Variants in SYMPK observed in about 807,000 individuals in gnomAD.
SYMPK encodes symplekin scaffold protein.
In SYMPK, 49 loss-of-function variants were observed where a neutral mutation model predicts 136.4. The observed-to-expected ratio is 0.36, with a 90% CI of 0.29 to 0.46. The LOEUF (loss-of-function observed/expected upper bound fraction) is 0.46. Among genes scored for constraint, SYMPK ranks in the 20% least tolerant of loss-of-function variants. The pLI, the probability that SYMPK is intolerant of heterozygous loss-of-function variation, is 1.00. For missense variants in SYMPK, 1,365 were observed against 1,690.0 expected, an observed-to-expected ratio of 0.81 and a Z score of 3.37; for synonymous variants, 766 against 713.0, an observed-to-expected ratio of 1.07 and a Z score of -1.19.
intron 5 of SYMPK, among the ~76,000 whole-genome samples, chr19:45,849,851 G>C (rs747203569): frequency 6.6e-6 from 1 of 152,096 alleles, no homozygotes; most frequent in Non-Finnish European, 1.5e-5. Flanking sequence ...TTTGAGACCA[G>C]CTTGACCAAC....
At chr19:45,823,737 G>C in intron 19 of SYMPK, 30 bp downstream of exon 19, 1 of 1,585,732 alleles carries the variant, frequency 6.3e-7, no homozygotes, top group Non-Finnish European at 8.7e-7. Context: ...AGGGAGGAAA[G>C]CCATGAAAGG....
At chr19:45,850,770 A>T (rs1971679560) in intron 5 of SYMPK, among the ~76,000 whole-genome samples, 1 of 152,126 alleles carries the variant, frequency 6.6e-6, no homozygotes, top group African/African-American at 2.4e-5. Flanking sequence ...AGACAGAAAA[A>T]GTCAAGCCCC....
chr19:45,838,528 T>A lies in SYMPK; in HGVS notation c.1175A>T (p.Gln392Leu). 1.9e-6 allele frequency: 3 copies of A among 1,614,164 alleles called. No individual in the cohort carries two copies. The highest frequency in any genetic ancestry group is 1.3e-5 in the African/African-American group (1 of 75,058). The change falls in exon 10 of 27, where the codon CAG (glutamine) becomes CTG (leucine). Residue 392 changes from glutamine (Q) to leucine (L), a missense_variant. Physicochemically the swap from Gln to Leu is moderately radical, Grantham distance 113. This residue lies in a region of SYMPK where 111 missense variants were observed against 141.2 expected (regional missense o/e 0.79). Transcript: ENST00000245934. Reference protein sequence around the residue: ...TSKASAQISGQSDTDITAEFL... With the variant: ...TSKASAQISGLSDTDITAEFL... The stretch of plus-strand genomic sequence containing the variant: ...CTCAGCTGTGATGTCCGTGTCTGAC[T>A]GGCCGGAGATCTGCGCTGAGGCCTT...
intron 14 of SYMPK, chr19:45,828,618 C>A (rs1971100319): frequency 7.1e-6 from 2 of 279,746 alleles, no homozygotes; most frequent in Non-Finnish European, 1.4e-5. Context: ...ACAGAACCAA[C>A]TCAGGTAGTG....
At position 45,821,377 on chromosome 19, in the gene SYMPK, G is replaced by A. The variant is rs560500459; in HGVS notation, c.2893+7C>T. The stretch of plus-strand genomic sequence containing the variant: ...CAGGCCACTGGAGTGGGGGGGAAGC[G>A]CCTCACCTTTGATGATGGATTTCAT... On this transcript the variant is annotated splice_region_variant and intron_variant, in intron 22 of 26. Transcript: ENST00000245934. This position sits in a 1 kb window ranked among gnomAD's most constrained non-coding sequence, Gnocchi z 4.4. The A allele has an allele frequency of 5.6e-5, 90 of 1,611,174 alleles. No individual in the cohort carries two copies. The South Asian group carries it at 5.8e-4, about 10-fold the overall frequency.
At chr19:45,816,220 G>T in intron 25 of SYMPK, 37 bp from the exon 26 acceptor site, 1 of 1,412,800 alleles carries the variant, frequency 7.1e-7, no homozygotes, top group Admixed American at 2.5e-5. Flanking sequence ...GCTCAGAGGT[G>T]GGTGGCTCAG....
intron 10 of SYMPK, 117 bp downstream of exon 10, chr19:45,838,344 T>C: frequency 7.8e-7 from 1 of 1,274,926 alleles, no homozygotes. Context: ...ACCCCTTTTC[T>C]TTATTAATTA....
rs1568616413 is a variant in SYMPK at position 45,835,100 on chromosome 19, C to T, written c.1371G>A (p.Met457Ile). 9 of 1,609,160 alleles carry T rather than the reference C, an allele frequency of 5.6e-6. No homozygotes were observed. The highest frequency in any genetic ancestry group is 7.6e-6 in the Non-Finnish European group (9 of 1,177,312). Residue 457 changes from methionine (M) to isoleucine (I), a missense_variant, in exon 11 of 27, where the codon ATG becomes ATA. Coordinates refer to ENST00000245934, the MANE Select transcript of SYMPK (RefSeq NM_004819.3). Reference protein sequence around the residue: ...KHLARLMATQMTAAGLGPGVE... With the variant: ...KHLARLMATQITAAGLGPGVE... ...CACCTGGTCCCAGTCCGGCAGCTGT[C>T]ATCTGTGTGGCCATGAGCCGAGCCA...
intron 8 of SYMPK, chr19:45,842,780 T>C (rs1971473314): frequency 7.8e-6 from 3 of 385,886 alleles, no homozygotes; most frequent in Non-Finnish European, 1.4e-5. Context: ...TATGCTTCGC[T>C]TGGGGAGGGT....
rs552061019 is a variant in SYMPK at position 45,823,828 on chromosome 19, T to C, written c.2538A>G (p.Glu846=). The change falls in exon 19 of 27, where the codon GAA becomes GAG. Residue 846 remains glutamate (E), a synonymous_variant. Coordinates refer to ENST00000245934, the MANE Select transcript of SYMPK (RefSeq NM_004819.3). Reference sequence around the variant, plus strand: ...GTGTCTCTGCTCCCTTGGGACAATTTTCCACCAGCAGGAGCAGCTCCGGGG... The same window carrying C: ...GTGTCTCTGCTCCCTTGGGACAATTCTCCACCAGCAGGAGCAGCTCCGGGG... ...MNSPELLLLV[E]NCPKGAETLV... The C allele has an allele frequency of 4.3e-6, 7 of 1,614,002 alleles. No homozygotes were observed. The African/African-American group carries it at 9.3e-5, about 22-fold the overall frequency.
chr19:45,837,733 G>A (rs1481770407), intron 10 of SYMPK, among the ~76,000 whole-genome samples: 4 of 152,098 alleles, frequency 2.6e-5, no homozygotes, highest in Non-Finnish European at 5.9e-5. Context: ...AGCAAGTGAG[G>A]GTTGGGCTTC....
In SYMPK at chr19:45,821,150, G is replaced by A; in HGVS notation, c.2893+234C>T. The A allele has an allele frequency of 5.7e-6, 4 of 698,028 alleles. No homozygotes were observed. Among genetic ancestry groups the A allele is most frequent in the South Asian group, 1.5e-5 (1 of 66,750 alleles). The allele number at this position is 698,028 out of a possible 1,614,324, so 43.2% of individuals were successfully genotyped here. On this transcript the variant is annotated intron_variant, in intron 22 of 26. Coordinates refer to ENST00000245934, the MANE Select transcript of SYMPK (RefSeq NM_004819.3). This position sits in a 1 kb window ranked among gnomAD's most constrained non-coding sequence, Gnocchi z 4.4. ...AGCAGGTACATCAGAGGCAGAAAAA[G>A]GTGGGTTGTAAAGGGTAAAACCTGG...
chr19:45,826,517 T>C, intron 16 of SYMPK, 144 bp from the exon 17 acceptor site: 1 of 852,186 alleles, frequency 1.2e-6, no homozygotes, highest in Non-Finnish European at 1.8e-6. Context: ...CCAGGGCTGG[T>C]CCCCAGTGCA....
chr19:45,830,324 C>A (rs1971138409), intron 12 of SYMPK, 120 bp from the exon 13 acceptor site: 2 of 1,131,256 alleles, frequency 1.8e-6, no homozygotes, highest in Non-Finnish European at 2.5e-6. Context: ...CCCCCTGCTG[C>A]CTCTCCAGTT....
intron 9 of SYMPK, among the ~76,000 whole-genome samples, chr19:45,841,026 C>T (rs1168677655): frequency 6.6e-6 from 1 of 151,552 alleles, no homozygotes; most frequent in Non-Finnish European, 1.5e-5. Context: ...TGCTCTGTCA[C>T]CCAGGATGGA....
intron 19 of SYMPK, 111 bp downstream of exon 19, chr19:45,823,656 G>T: frequency 9.6e-7 from 1 of 1,045,862 alleles, no homozygotes. Flanking sequence ...GACAGGCACA[G>T]ACCCGCAAGA....
chr19:45,838,334 A>T, intron 10 of SYMPK, 127 bp downstream of exon 10: 6 of 1,180,428 alleles, frequency 5.1e-6, no homozygotes, highest in Non-Finnish European at 7.0e-6. Context: ...AGCCAATTAA[A>T]CCCCTTTTCT....
chr19:45,823,270 A>G lies in SYMPK; in HGVS notation c.2700+102T>C, dbSNP rs1224790670. 1.0e-5 allele frequency: 12 copies of G among 1,185,616 alleles called. No individual in the cohort carries two copies. The East Asian group carries it at 1.4e-4, about 14-fold the overall frequency. 73.4% of individuals were successfully genotyped at this position (1,185,616 alleles called of 1,614,324 possible). A position where few individuals can be genotyped will look rare whatever the true frequency, so the allele number is the denominator to read the frequency against. ...GGCAAGGTGCCTTCTGCCCTCTGCT[A>G]TGTGCCTCTGGCTCAACTGCTGCTG... On this transcript the variant is annotated intron_variant, in intron 20 of 26. Coordinates refer to ENST00000245934, the MANE Select transcript of SYMPK (RefSeq NM_004819.3).
At chr19:45,860,096 G>A (rs1971927369) in intron 1 of SYMPK, among the ~76,000 whole-genome samples, 3 of 151,236 alleles carry the variant, frequency 2.0e-5, no homozygotes, top group African/African-American at 7.3e-5. Context: ...GTCCAACCTG[G>A]GCAACAGAGC....
Sources: gnomAD v4.1 joint callset for allele counts (sites outside exome capture counted in the v4.1 genomes callset) on GRCh38, gnomAD v4.1.1 for gene constraint, gnomAD v4.1.1 regional missense constraint, Gnocchi (gnomAD v3.1) non-coding constraint, MANE v1.5 for transcripts, NCBI Gene and HGNC (gene_info 2026-07-23, HGNC 2026-07-21) for gene names.